RMDN2: variants seen among roughly 807,000 people sequenced by gnomAD.
The protein encoded by RMDN2 is regulator of microtubule dynamics 2.
RMDN2 carries 61 observed loss-of-function variants against 52.8 expected under a neutral mutation model. The ratio of observed to expected loss-of-function variants is 1.16; its 90% CI spans 0.94 to 1.43. The LOEUF (loss-of-function observed/expected upper bound fraction) is 1.43, where lower values mean the gene tolerates loss of function less well. Ranked by LOEUF, RMDN2 falls within the 40% of genes most tolerant of loss-of-function variation. The pLI is 0.00. For synonymous variants in RMDN2, 180 were observed against 153.1 expected (o/e 1.18, Z -1.30); for missense variants, 592 against 475.3 (o/e 1.25, Z -2.28).
At chr2:37,999,001 A>G (rs945947181) in intron 8 of RMDN2, among the ~76,000 whole-genome samples, 6 of 152,240 alleles carry the variant, frequency 3.9e-5, no homozygotes, top group African/African-American at 1.4e-4. Context: ...AAATATTTAT[A>G]TAAAAGATGC....
intron 10 of RMDN2, among the ~76,000 whole-genome samples, chr2:38,056,246 C>G (rs1681851745): frequency 6.6e-6 from 1 of 152,198 alleles, no homozygotes; most frequent in Non-Finnish European, 1.5e-5. Context: ...TCTAGTCAAC[C>G]CCTAAGCATC....
intron 10 of RMDN2, among the ~76,000 whole-genome samples, chr2:38,009,337 T>A (rs1434629159): frequency 6.6e-6 from 1 of 152,230 alleles, no homozygotes; most frequent in East Asian, 1.9e-4. Context: ...CACATCACTT[T>A]CAGGTACACC....
intron 6 of RMDN2, among the ~76,000 whole-genome samples, chr2:37,990,850 A>AT (rs1216014078): frequency 4.6e-5 from 7 of 152,128 alleles, no homozygotes; most frequent in Admixed American, 3.3e-4. Context: ...TAACTCTGCT[A>AT]TTTTTTCTGC....
At chr2:38,023,202 T>C (rs993635074) in intron 10 of RMDN2, among the ~76,000 whole-genome samples, 2 of 152,170 alleles carry the variant, frequency 1.3e-5, no homozygotes, top group Non-Finnish European at 2.9e-5. Context: ...GAGCAAAAGA[T>C]TTGGAGTTGG....
intron 7 of RMDN2, 43 bp downstream of exon 7, chr2:37,991,340 T>A: frequency 1.0e-6 from 1 of 981,434 alleles, no homozygotes. Flanking sequence ...TTGAATATAC[T>A]ATGATTATAG....
chr2:37,933,479 A>G (rs1478869388), intron 2 of RMDN2, among the ~76,000 whole-genome samples: 3 of 152,376 alleles, frequency 2.0e-5, no homozygotes, highest in South Asian at 4.1e-4. Context: ...CAGCCTGGGC[A>G]CCATTGAGCA....
chr2:38,020,012 C>T (rs938545905), downstream of RMDN2, among the ~76,000 whole-genome samples: 3 of 151,878 alleles, frequency 2.0e-5, no homozygotes, highest in Admixed American at 6.6e-5. Flanking sequence ...GCTAAAAAAC[C>T]GTGAACAGGA....
chr2:37,956,790 A>G (rs1669529145), intron 2 of RMDN2, among the ~76,000 whole-genome samples: 2 of 152,074 alleles, frequency 1.3e-5, no homozygotes, highest in South Asian at 4.2e-4. Context: ...ATTTGTCCTA[A>G]CGCTACCCCT....
At position 37,991,261 on chromosome 2, in the gene RMDN2, C is replaced by G. The variant is rs757190658; in HGVS notation, c.909C>G (p.Pro303=). The G allele has an allele frequency of 6.3e-7, 1 of 1,589,864 alleles. No homozygotes were observed. Among genetic ancestry groups the G allele is most frequent in the East Asian group, 2.3e-5 (1 of 43,904 alleles). The stretch of plus-strand genomic sequence containing the variant: ...CAATCAAACTTTTACCAGAGGAACC[C>G]TTTCTATATTACCTCAAAGGGAGAT... ...DIAIKLLPEE[P]FLYYLKGRYC... Residue 303 remains proline, a synonymous_variant, in exon 7 of 11, where the codon CCC becomes CCG. Coordinates refer to ENST00000354545, the MANE Select transcript of RMDN2 (RefSeq NM_001170791.3).
chr2:37,946,547 G>A (rs1156795123), intron 2 of RMDN2, among the ~76,000 whole-genome samples: 1 of 152,188 alleles, frequency 6.6e-6, no homozygotes, highest in African/African-American at 2.4e-5. Flanking sequence ...TTATCATGAA[G>A]TATTTGCATT....
At chr2:38,038,503 C>G (rs1437428726) in intron 10 of RMDN2, among the ~76,000 whole-genome samples, 5 of 152,162 alleles carry the variant, frequency 3.3e-5, no homozygotes, top group African/African-American at 1.2e-4. Context: ...GGTTCAGGCC[C>G]GGTTACCGCT....
At position 37,933,786 on chromosome 2, in the gene RMDN2, G is replaced by A. The variant is rs1667060417; in HGVS notation, c.452+4057G>A. ...GGAAAGAGAGGGAGAGAGAGACCGT[G>A]GAAAGGGGAGAGGGAGAGGGAGAGA... is the stretch of plus-strand genomic sequence containing the variant. On this transcript the variant is annotated intron_variant, in intron 2 of 10. Coordinates refer to ENST00000354545, the MANE Select transcript of RMDN2 (RefSeq NM_001170791.3). Among the ~76,000 whole-genome samples, 3 of 152,076 alleles carry A rather than the reference G, an allele frequency of 2.0e-5. No individual in the cohort carries two copies. In the South Asian group the frequency reaches 6.2e-4, roughly 32 times the overall value.
At chr2:37,982,851 G>T (rs1673504909) in intron 5 of RMDN2, among the ~76,000 whole-genome samples, 4 of 152,122 alleles carry the variant, frequency 2.6e-5, no homozygotes, top group Admixed American at 2.6e-4. Context: ...TAACATATAT[G>T]TTAAAGTACT....
chr2:38,039,093 C>CACACACAGAGAGAG (rs1317093706), intron 10 of RMDN2, among the ~76,000 whole-genome samples: 1 of 91,592 alleles, frequency 1.1e-5, no homozygotes, highest in Admixed American at 9.2e-5. Flanking sequence ...CACACACACA[C>CACACACAGAGAGAG]AGAGAGAGAG....
chr2:37,974,015 T>C (rs561828854), intron 2 of RMDN2, 25 bp from the exon 3 acceptor site: 8 of 1,573,804 alleles, frequency 5.1e-6, no homozygotes, highest in East Asian at 2.3e-5. Flanking sequence ...TTCAAAGGAG[T>C]TGATGATTAT....
chr2:37,991,505 C>G (rs999472033), intron 7 of RMDN2, among the ~76,000 whole-genome samples: 6 of 149,614 alleles, frequency 4.0e-5, no homozygotes, highest in Non-Finnish European at 9.0e-5. Flanking sequence ...AAGCTATAAT[C>G]TATGTATTTT....
At chr2:38,014,415 T>A (rs915272701) in intron 10 of RMDN2, among the ~76,000 whole-genome samples, 1 of 152,216 alleles carries the variant, frequency 6.6e-6, no homozygotes, top group African/African-American at 2.4e-5. Flanking sequence ...CTTGGTTGTA[T>A]TGTTTAAATT....
At chr2:37,995,977 C>G (rs538503283) in intron 7 of RMDN2, among the ~76,000 whole-genome samples, 1 of 152,240 alleles carries the variant, frequency 6.6e-6, no homozygotes, top group African/African-American at 2.4e-5. Context: ...TAAATCAGCG[C>G]GACTACCTTG....
Position 37,991,234 on chromosome 2 carries a change from A to G in RMDN2, c.882A>G (p.Ile294Met), listed in dbSNP as rs759809562. 1.3e-6 allele frequency: 2 copies of G among 1,586,986 alleles called. No individual in the cohort carries two copies. Among genetic ancestry groups the G allele is most frequent in the Non-Finnish European group, 1.7e-6 (2 of 1,164,156 alleles). ...YGHLFKEHLD[I>M]AIKLLPEEPF... ...GCTTTTTTCAGGAACATCTAGATAT[A>G]GCAATCAAACTTTTACCAGAGGAAC... is the stretch of plus-strand genomic sequence containing the variant. The change falls in exon 7 of 11, where the codon ATA becomes ATG. Residue 294 changes from isoleucine (I) to methionine (M), a missense_variant. Physicochemically the swap from Ile to Met is conservative, Grantham distance 10. Transcript: ENST00000354545.
Sources: gnomAD v4.1 joint callset for allele counts (sites outside exome capture counted in the v4.1 genomes callset) on GRCh38, gnomAD v4.1.1 for gene constraint, MANE v1.5 for transcripts, NCBI Gene and HGNC (gene_info 2026-07-23, HGNC 2026-07-21) for gene names.